Variants in CPEB2 observed in about 807,000 individuals in gnomAD.
CPEB2 encodes the protein cytoplasmic polyadenylation element-binding protein 2.
A neutral mutation model predicts 93.6 loss-of-function variants in CPEB2; 56 were observed. The observed-to-expected ratio is 0.60, with a 90% CI of 0.48 to 0.75. The LOEUF (loss-of-function observed/expected upper bound fraction) is 0.75, where lower values mean the gene tolerates loss of function less well. Among genes scored for constraint, CPEB2 ranks in the 30% least tolerant of loss-of-function variants. The pLI, the probability that CPEB2 is intolerant of heterozygous loss-of-function variation, is 0.00. For missense variants in CPEB2, 1,579 were observed against 1,395.1 expected (o/e 1.13, Z -2.10); for synonymous variants, 764 against 586.3 (o/e 1.30, Z -4.38).
chr4:15,053,005 A>G (rs1728373044), intron 7 of CPEB2, among the ~76,000 whole-genome samples: 1 of 148,592 alleles, frequency 6.7e-6, no homozygotes, highest in African/African-American at 2.5e-5. Flanking sequence ...GTTTATTTTT[A>G]TTTTTATTTA....
intron 4 of CPEB2, among the ~76,000 whole-genome samples, chr4:15,024,569 G>A (rs1725215435): frequency 6.6e-6 from 1 of 151,886 alleles, no homozygotes; most frequent in Non-Finnish European, 1.5e-5. Flanking sequence ...TTTCATGCCT[G>A]TGGTTCTGCA....
intron 6 of CPEB2, among the ~76,000 whole-genome samples, chr4:15,049,268 A>G (rs1300280012): frequency 2.0e-5 from 3 of 151,658 alleles, no homozygotes; most frequent in Non-Finnish European, 4.4e-5. Context: ...TTTTTTTAAT[A>G]TAGACCCTAA....
At position 15,007,430 on chromosome 4, in the gene CPEB2, T is replaced by C. The variant is rs541190220; in HGVS notation, c.1788T>C (p.Thr596=). ...CCGGAAACATGGGAATCCCAGGAAC[T>C]ATGAATCAGATATCTCCATTGAAGA... ...RRTGNMGIPG[T]MNQISPLKKP... Residue 596 remains threonine, a synonymous_variant, in exon 2 of 12, where the codon ACT becomes ACC. Coordinates refer to ENST00000538197, the MANE Select transcript of CPEB2 (RefSeq NM_001177382.2). 3.1e-6 allele frequency: 5 copies of C among 1,614,166 alleles called. No individual in the cohort carries two copies. The East Asian group carries it at 6.7e-5, about 22-fold the overall frequency.
In CPEB2 at chr4:15,003,981, C is replaced by T. The variant is rs765228935; in HGVS notation, c.1308C>T (p.Ser436=). Residue 436 remains serine, a synonymous_variant, in exon 1 of 12, where the codon AGC becomes AGT. Transcript: ENST00000538197. The part of the protein sequence containing the change: ...TPGGGSGGSL[S]AMPPPSPDSE... ...GCGGCGGCAGCGGCGGCTCGCTCAG[C>T]GCCATGCCGCCGCCCAGCCCCGACT... 18 of 1,469,988 alleles carry T rather than the reference C, an allele frequency of 1.2e-5. No individual in the cohort carries two copies. The highest frequency in any genetic ancestry group is 1.5e-5 in the African/African-American group (1 of 67,636). 91.1% of individuals were successfully genotyped at this position (1,469,988 alleles called of 1,614,324 possible).
chr4:15,035,257 T>C (rs959883593), intron 5 of CPEB2, among the ~76,000 whole-genome samples: 1 of 152,134 alleles, frequency 6.6e-6, no homozygotes, highest in South Asian at 2.1e-4. Context: ...TAGTGGTTGC[T>C]AACATAGATT....
chr4:15,028,282 A>T (rs1725693741), intron 4 of CPEB2, among the ~76,000 whole-genome samples: 1 of 152,030 alleles, frequency 6.6e-6, no homozygotes, highest in South Asian at 2.1e-4. Context: ...CACAACTTCA[A>T]TATGTAAGAG....
At chr4:15,032,642 A>G (rs942277552) in intron 4 of CPEB2, among the ~76,000 whole-genome samples, 2 of 152,090 alleles carry the variant, frequency 1.3e-5, no homozygotes, top group African/African-American at 4.8e-5. Flanking sequence ...GTTTTCATTA[A>G]ACTAATTTAT....
At chr4:15,038,943 CA>C (rs149030844) in intron 5 of CPEB2, among the ~76,000 whole-genome samples, 2,204 of 152,238 alleles carry the variant, frequency 0.014, 44 homozygotes, top group Admixed American at 0.064. Flanking sequence ...TCTGATTTTT[CA>C]GTTGATCTCC....
intron 5 of CPEB2, among the ~76,000 whole-genome samples, chr4:15,037,311 A>G (rs79768812): frequency 8.2e-4 from 118 of 143,308 alleles, no homozygotes; most frequent in African/African-American, 2.8e-3. Context: ...ACTCCGCCTC[A>G]AAAAAAAAAA....
Position 15,050,120 on chromosome 4 carries a change from T to C in CPEB2, c.2201-2294T>C, listed in dbSNP as rs115211243. 7.4e-3 allele frequency among the ~76,000 whole-genome samples: 1,129 copies of C among 152,316 alleles called. 16 individuals carry two copies. The highest frequency in any genetic ancestry group is 0.025 in the African/African-American group (1,031 of 41,564). The stretch of plus-strand genomic sequence containing the variant: ...AAAACCGATACTGGTCCATGGTCTG[T>C]TAGGAACCAGGCCACACAGCAGGAG... On this transcript the variant is annotated intron_variant, in intron 6 of 11. Transcript: ENST00000538197.
chr4:15,045,942 AT>A (rs1197998602), intron 6 of CPEB2, among the ~76,000 whole-genome samples: 3 of 152,232 alleles, frequency 2.0e-5, no homozygotes, highest in African/African-American at 7.2e-5. Context: ...AGTAGTTTTT[AT>A]CAGTTATTTC....
chr4:15,033,056 A>G (rs1457938607), intron 4 of CPEB2, 105 bp from the exon 5 acceptor site: 12 of 725,210 alleles, frequency 1.7e-5, no homozygotes, highest in Admixed American at 2.7e-5. Flanking sequence ...ACTGTGCTCA[A>G]TAATTTTCTC....
rs1424103625 is a variant in CPEB2 at position 15,004,087 on chromosome 4, G to T, written c.1414G>T (p.Gly472Cys). 3 of 1,561,690 alleles carry T rather than the reference G, an allele frequency of 1.9e-6. No homozygotes were observed. In the Admixed American group the frequency reaches 5.6e-5, roughly 29 times the overall value. ...TAGCTTCTCGCCCGTGTCGCCGCAC[G>T]GCTGCACTGGGCTCAGCGTTCCGAC... ...FPSFSPVSPH[G>C]CTGLSVPTSG... is the part of the protein sequence containing the mutation. The change falls in exon 1 of 12, where the codon GGC (glycine) becomes TGC (cysteine). Residue 472 changes from glycine (G) to cysteine (C), a missense_variant. Physicochemically the swap from Gly to Cys is radical, Grantham distance 159. Around this residue, in one of 2 missense-constraint regions of CPEB2, gnomAD observed 1,411 missense variants for 1,056.0 expected, o/e 1.34. Coordinates refer to ENST00000538197, the MANE Select transcript of CPEB2 (RefSeq NM_001177382.2).
At chr4:15,046,717 C>T (rs1480811715) in intron 6 of CPEB2, among the ~76,000 whole-genome samples, 1 of 152,058 alleles carries the variant, frequency 6.6e-6, no homozygotes, top group East Asian at 1.9e-4. Flanking sequence ...CATTTTTCTT[C>T]ATTTATGGGA....
In CPEB2 at chr4:15,003,201, C is replaced by A. The variant is rs1014981102; in HGVS notation, c.528C>A (p.Ser176Arg). 1 of 1,534,144 alleles carries A rather than the reference C, an allele frequency of 6.5e-7. No homozygotes were observed. The highest frequency in any genetic ancestry group is 8.7e-7 in the Non-Finnish European group (1 of 1,146,284). Residue 176 changes from serine (S) to arginine (R), a missense_variant, in exon 1 of 12, where the codon AGC becomes AGA. Ser to Arg is a moderately radical substitution (Grantham distance 110, BLOSUM62 -1). Transcript: ENST00000538197. ...AGCGGCAGCAGCAGCAGCTGAGCAG[C>A]CAGAAGAGGAAAGAGTTCAGCCCTC... The part of the protein sequence containing the change: ...FSKRQQQQLS[S>R]QKRKEFSPPH...
chr4:15,026,601 T>A (rs1725505864), intron 4 of CPEB2, among the ~76,000 whole-genome samples: 1 of 152,184 alleles, frequency 6.6e-6, no homozygotes, highest in Non-Finnish European at 1.5e-5. Flanking sequence ...CACTTGTGTT[T>A]TTGCTTTACC....
intron 8 of CPEB2, among the ~76,000 whole-genome samples, chr4:15,057,530 T>C (rs1728828257): frequency 1.3e-5 from 2 of 152,168 alleles, no homozygotes; most frequent in Non-Finnish European, 2.9e-5. Context: ...ATAGAAATCT[T>C]GCCAAGGTAA....
intron 7 of CPEB2, among the ~76,000 whole-genome samples, chr4:15,053,714 T>C (rs574147356): frequency 6.6e-6 from 1 of 152,326 alleles, no homozygotes; most frequent in South Asian, 2.1e-4. Context: ...ATTGTAGTTA[T>C]TCAAGTCTTG....
At chr4:15,006,101 A>C (rs912297677) in intron 1 of CPEB2, among the ~76,000 whole-genome samples, 1 of 152,216 alleles carries the variant, frequency 6.6e-6, no homozygotes, top group East Asian at 1.9e-4. Context: ...TGAGCATTAA[A>C]TCATTTAATA....
Sources: gnomAD v4.1 joint callset for allele counts (sites outside exome capture counted in the v4.1 genomes callset) on GRCh38, gnomAD v4.1.1 for gene constraint, gnomAD v4.1.1 regional missense constraint, MANE v1.5 for transcripts, NCBI Gene and HGNC (gene_info 2026-07-23, HGNC 2026-07-21) for gene names.